Variants in VWC2 observed in about 807,000 individuals in gnomAD.
VWC2 encodes the protein von Willebrand factor C domain containing 2.
VWC2 carries 14 observed loss-of-function variants against 29.8 expected under a neutral mutation model. The observed-to-expected ratio is 0.47, with a 90% CI of 0.31 to 0.74. The LOEUF (loss-of-function observed/expected upper bound fraction) is 0.74, where lower values mean the gene tolerates loss of function less well. Ranked by LOEUF, VWC2 falls within the 30% of genes least tolerant of loss-of-function variation. The pLI is 0.05. For missense variants in VWC2, 457 were observed against 459.8 expected, an observed-to-expected ratio of 0.99 and a Z score of 0.05; for synonymous variants, 213 against 199.0, an observed-to-expected ratio of 1.07 and a Z score of -0.59.
At chr7:49,846,545 C>T (rs1030498916) in intron 3 of VWC2, among the ~76,000 whole-genome samples, 1 of 152,174 alleles carries the variant, frequency 6.6e-6, no homozygotes, top group Non-Finnish European at 1.5e-5. Context: ...GTGATGAGCT[C>T]AAGGCTTATC....
chr7:49,797,825 T>A (rs2128705017), intron 2 of VWC2, among the ~76,000 whole-genome samples: 1 of 152,332 alleles, frequency 6.6e-6, no homozygotes, highest in East Asian at 1.9e-4. Flanking sequence ...GAGAATGAAT[T>A]CTTTTCTCAA....
At chr7:49,885,849 A>G (rs1469698269) in intron 3 of VWC2, among the ~76,000 whole-genome samples, 2 of 152,266 alleles carry the variant, frequency 1.3e-5, no homozygotes, top group Non-Finnish European at 2.9e-5. Context: ...CCGCTGCAGC[A>G]TTCAGGGTAC....
chr7:49,904,880 C>G (rs1031751582), intron 3 of VWC2, among the ~76,000 whole-genome samples: 4 of 151,818 alleles, frequency 2.6e-5, no homozygotes. Context: ...GGATTATAGG[C>G]ACCTGCCACT....
chr7:49,865,391 G>A (rs918132528), intron 3 of VWC2, among the ~76,000 whole-genome samples: 4 of 152,220 alleles, frequency 2.6e-5, no homozygotes, highest in Non-Finnish European at 5.9e-5. Flanking sequence ...AGTAACATGA[G>A]CACTGAATCA....
At chr7:49,877,481 A>AAAAAATATATATATATATATAT in intron 3 of VWC2, among the ~76,000 whole-genome samples, 1 of 12,730 alleles carries the variant, frequency 7.9e-5, no homozygotes, top group Non-Finnish European at 1.4e-4. Context: ...AAAAAAAAAA[A>AAAAAATATATATATATATATAT]ATATATATAT....
intron 3 of VWC2, among the ~76,000 whole-genome samples, chr7:49,844,682 C>A (rs749886238): frequency 6.6e-6 from 1 of 152,062 alleles, no homozygotes; most frequent in Non-Finnish European, 1.5e-5. Flanking sequence ...GGGCAAGTCA[C>A]TTTTTTATTT....
At chr7:49,827,349 A>G (rs1042871292) in intron 3 of VWC2, among the ~76,000 whole-genome samples, 1 of 48,396 alleles carries the variant, frequency 2.1e-5, no homozygotes, top group African/African-American at 7.3e-5. Flanking sequence ...ATAGTGACAT[A>G]CTTTCAAATT....
chr7:49,912,327 T>G lies in VWC2; in HGVS notation c.*142T>G, dbSNP rs77660393. 24,369 of 791,040 alleles carry G rather than the reference T, an allele frequency of 0.031. 428 individuals are homozygous for G. The highest frequency in any genetic ancestry group is 0.038 in the Middle Eastern group (110 of 2,900). The allele number at this position is 791,040 out of a possible 1,614,324, so 49.0% of individuals were successfully genotyped here. On this transcript the variant is annotated 3_prime_UTR_variant, in exon 4 of 4. Coordinates refer to ENST00000340652, the MANE Select transcript of VWC2 (RefSeq NM_198570.5). ...TTGTTGGTACTTTTCCTTTTCTTGATAACAGTTACTACAACAGAAGGAAAT... is the reference window on the plus strand; with the variant it reads ...TTGTTGGTACTTTTCCTTTTCTTGAGAACAGTTACTACAACAGAAGGAAAT...
chr7:49,906,501 A>G (rs763730018), intron 3 of VWC2, among the ~76,000 whole-genome samples: 3 of 151,908 alleles, frequency 2.0e-5, no homozygotes, highest in Non-Finnish European at 4.4e-5. Flanking sequence ...ACACCCAGCT[A>G]ATTTTTTTGT....
rs970774831 is a variant in VWC2, at chr7:49,849,077, C to T, written c.826+46237C>T. Among the ~76,000 whole-genome samples, 21 of 152,190 alleles carry T rather than the reference C, an allele frequency of 1.4e-4. No homozygotes were observed. In the East Asian group the frequency reaches 3.3e-3, roughly 24 times the overall value. ...GACAAATGTGTTGGTGCGCTTCCCT[C>T]GCATTTCTTGTCCTACTGTACTGTA... On this transcript the variant is annotated intron_variant, in intron 3 of 3. Coordinates refer to ENST00000340652, the MANE Select transcript of VWC2 (RefSeq NM_198570.5).
At chr7:49,812,273 T>C (rs759333919) in intron 3 of VWC2, among the ~76,000 whole-genome samples, 3 of 152,202 alleles carry the variant, frequency 2.0e-5, no homozygotes, top group Non-Finnish European at 4.4e-5. Context: ...CATTAAATTG[T>C]ACACTTACAC....
chr7:49,814,887 G>A (rs932599171), intron 3 of VWC2, among the ~76,000 whole-genome samples: 2 of 152,144 alleles, frequency 1.3e-5, no homozygotes, highest in Non-Finnish European at 2.9e-5. Flanking sequence ...AGGTCCTTGT[G>A]GGAACTTTCT....
In VWC2 at chr7:49,833,156, C is replaced by T. The variant is rs117778948; in HGVS notation, c.826+30316C>T. ...AGGTTAACTGCAGGGCGTTTAGTGTCAGCAACTAAATGAATGGGATTGATG... is the reference window on the plus strand; with the variant it reads ...AGGTTAACTGCAGGGCGTTTAGTGTTAGCAACTAAATGAATGGGATTGATG... On this transcript the variant is annotated intron_variant, in intron 3 of 3. Coordinates refer to ENST00000340652, the MANE Select transcript of VWC2 (RefSeq NM_198570.5). 9.2e-5 allele frequency among the ~76,000 whole-genome samples: 14 copies of T among 152,282 alleles called. No homozygotes were observed. In the East Asian group the frequency reaches 2.7e-3, roughly 29 times the overall value.
At chr7:49,892,226 T>G (rs1792172902) in intron 3 of VWC2, among the ~76,000 whole-genome samples, 1 of 151,522 alleles carries the variant, frequency 6.6e-6, no homozygotes, top group Non-Finnish European at 1.5e-5. Context: ...TTTTGTATTT[T>G]TAGTAGAGAC....
chr7:49,804,772 T>C (rs1020162017), intron 3 of VWC2, among the ~76,000 whole-genome samples: 1 of 152,324 alleles, frequency 6.6e-6, no homozygotes, highest in East Asian at 1.9e-4. Context: ...TCTCTTTCTT[T>C]GGCCCTCTGT....
At chr7:49,853,743 C>T (rs1046018402) in intron 3 of VWC2, among the ~76,000 whole-genome samples, 4 of 151,650 alleles carry the variant, frequency 2.6e-5, no homozygotes, top group Admixed American at 2.6e-4. Flanking sequence ...ACTTTAAGTT[C>T]TAGGGTACAT....
At chr7:49,863,612 T>C (rs1368185148) in intron 3 of VWC2, among the ~76,000 whole-genome samples, 2 of 152,092 alleles carry the variant, frequency 1.3e-5, no homozygotes, top group African/African-American at 4.8e-5. Context: ...TTGTATTTTG[T>C]GTAGAGAAGG....
intron 2 of VWC2, among the ~76,000 whole-genome samples, chr7:49,799,937 T>A: frequency 6.6e-6 from 1 of 152,236 alleles, no homozygotes. Context: ...AGAAAAGATA[T>A]GTAAAAATAA....
intron 3 of VWC2, among the ~76,000 whole-genome samples, chr7:49,836,638 CAATA>C (rs3062195): frequency 0.06 from 8,679 of 145,350 alleles, 310 homozygotes; most frequent in African/African-American, 0.089. Context: ...GACTCCATCT[CAATA>C]AATAAATAAA....
Sources: allele counts gnomAD v4.1 joint callset (sites outside exome capture counted in the v4.1 genomes callset), GRCh38; gene constraint gnomAD v4.1.1; transcripts MANE v1.5; gene names NCBI Gene and HGNC (gene_info 2026-07-23, HGNC 2026-07-21).